The following ANKS1B variants were observed in gnomAD, a reference collection of about 807,000 sequenced individuals.
The protein encoded by ANKS1B is ankyrin repeat and sterile alpha motif domain containing 1B.
Under a neutral mutation model 148.3 loss-of-function variants are expected in ANKS1B, and 36 were observed. The observed-to-expected ratio is 0.24, with a 90% CI of 0.19 to 0.32. The LOEUF (loss-of-function observed/expected upper bound fraction) is 0.32. Ranked by LOEUF, ANKS1B falls within the 10% of genes least tolerant of loss-of-function variation. The pLI is 1.00. For missense variants in ANKS1B, 1,157 were observed against 1,542.6 expected (o/e 0.75, Z 4.19); for synonymous variants, 542 against 560.8 (o/e 0.97, Z 0.47).
At chr12:98,974,263 GA>G (rs1346142748) in intron 17 of ANKS1B, among the ~76,000 whole-genome samples, 1 of 152,174 alleles carries the variant, frequency 6.6e-6, no homozygotes, top group Non-Finnish European at 1.5e-5. Flanking sequence ...TAAGAGTTAA[GA>G]TAAGAACATG....
intron 17 of ANKS1B, among the ~76,000 whole-genome samples, chr12:98,894,342 T>C (rs1489243094): frequency 7.2e-6 from 1 of 139,720 alleles, no homozygotes; most frequent in African/African-American, 2.8e-5. Flanking sequence ...CTCAAACTCC[T>C]CGGAACCCCA....
At chr12:99,912,095 C>T (rs1282630390) in intron 1 of ANKS1B, among the ~76,000 whole-genome samples, 2 of 152,118 alleles carry the variant, frequency 1.3e-5, no homozygotes, top group South Asian at 2.1e-4. Flanking sequence ...CCACCAAAGG[C>T]GTGCAAGGGA....
At chr12:99,903,583 GC>G (rs746451081) in intron 1 of ANKS1B, among the ~76,000 whole-genome samples, 1 of 152,150 alleles carries the variant, frequency 6.6e-6, no homozygotes, top group Non-Finnish European at 1.5e-5. Context: ...CATAATACAA[GC>G]CACATATGAA....
At chr12:99,778,193 C>A (rs1416611799) in intron 6 of ANKS1B, among the ~76,000 whole-genome samples, 2 of 148,984 alleles carry the variant, frequency 1.3e-5, no homozygotes, top group African/African-American at 5.0e-5. Context: ...GAGTGAGACT[C>A]CCTCTCAAAA....
At chr12:99,439,088 T>G (rs1307109418) in intron 11 of ANKS1B, among the ~76,000 whole-genome samples, 1 of 151,820 alleles carries the variant, frequency 6.6e-6, no homozygotes, top group Non-Finnish European at 1.5e-5. Context: ...TAAATAATAC[T>G]AAATTATTAA....
Position 99,285,237 on chromosome 12 carries a change from C to A in ANKS1B, c.1757-38373G>T, listed in dbSNP as rs367619939. Among the ~76,000 whole-genome samples, 7 of 152,096 alleles carry A rather than the reference C, an allele frequency of 4.6e-5. No individual in the cohort carries two copies. In the East Asian group the frequency reaches 9.6e-4, roughly 21 times the overall value. On this transcript the variant is annotated intron_variant, in intron 12 of 26. Coordinates refer to ENST00000683438, the MANE Select transcript of ANKS1B (RefSeq NM_001352186.2). ...ATACAGTATATACTTTTTTGTCTAGCTGCCTTTACTCAGCATAGTTATTTT... is the reference window on the plus strand; with the variant it reads ...ATACAGTATATACTTTTTTGTCTAGATGCCTTTACTCAGCATAGTTATTTT...
At chr12:98,776,820 T>A (rs1167993895) in intron 24 of ANKS1B, among the ~76,000 whole-genome samples, 1 of 152,184 alleles carries the variant, frequency 6.6e-6, no homozygotes, top group Non-Finnish European at 1.5e-5. Flanking sequence ...GTGGGGCACG[T>A]GATGCTGAGA....
chr12:98,845,639 A>G (rs2099453828), intron 17 of ANKS1B, among the ~76,000 whole-genome samples: 1 of 152,136 alleles, frequency 6.6e-6, no homozygotes, highest in Non-Finnish European at 1.5e-5. Flanking sequence ...CAGAAGAGGA[A>G]GTCCAGCCTG....
chr12:99,378,422 G>A (rs1429796454), intron 12 of ANKS1B, among the ~76,000 whole-genome samples: 3 of 152,042 alleles, frequency 2.0e-5, no homozygotes, highest in African/African-American at 7.2e-5. Context: ...TTGGGAGGAC[G>A]AGGTGGGCAG....
chr12:99,871,692 G>A (rs2091538356), intron 1 of ANKS1B, among the ~76,000 whole-genome samples: 1 of 152,008 alleles, frequency 6.6e-6, no homozygotes, highest in Non-Finnish European at 1.5e-5. Flanking sequence ...GTGAAATTGT[G>A]TTCTTGATTT....
At chr12:98,943,670 A>T (rs1050193972) in intron 17 of ANKS1B, among the ~76,000 whole-genome samples, 4 of 152,150 alleles carry the variant, frequency 2.6e-5, no homozygotes, top group Non-Finnish European at 5.9e-5. Flanking sequence ...CCTTTGTGTG[A>T]TTAAGCCCAG....
intron 9 of ANKS1B, among the ~76,000 whole-genome samples, chr12:99,544,215 G>A (rs903104756): frequency 9.9e-5 from 15 of 152,254 alleles, no homozygotes; most frequent in Admixed American, 2.6e-4. Flanking sequence ...TGAGCATACA[G>A]TTTGTTGGCA....
At chr12:99,333,862 T>G (rs538326106) in intron 12 of ANKS1B, among the ~76,000 whole-genome samples, 2,413 of 149,330 alleles carry the variant, frequency 0.016, 81 homozygotes, top group East Asian at 0.083. Flanking sequence ...CAGTTTTTTT[T>G]TTTTTTTTTT....
intron 14 of ANKS1B, among the ~76,000 whole-genome samples, chr12:99,243,506 AC>A (rs1245417621): frequency 6.6e-6 from 1 of 152,222 alleles, no homozygotes; most frequent in African/African-American, 2.4e-5. Context: ...ATACCATTTG[AC>A]CCAGCCATCC....
intron 16 of ANKS1B, 98 bp downstream of exon 16, chr12:99,084,827 G>A: frequency 1.1e-6 from 1 of 886,556 alleles, no homozygotes; most frequent in Non-Finnish European, 1.7e-6. Context: ...GCATCAATAT[G>A]TAGAACTACT....
chr12:99,807,128 A>T (rs945919021), intron 3 of ANKS1B, among the ~76,000 whole-genome samples: 5 of 152,226 alleles, frequency 3.3e-5, no homozygotes, highest in African/African-American at 2.4e-5. Flanking sequence ...AATTCTTGGT[A>T]ACAAAAGGTT....
intron 6 of ANKS1B, among the ~76,000 whole-genome samples, chr12:99,776,629 A>G (rs1032726227): frequency 1.3e-5 from 2 of 152,146 alleles, no homozygotes; most frequent in African/African-American, 4.8e-5. Context: ...TTTTAGAGAA[A>G]CCAAAACTCC....
At chr12:99,843,057 G>A (rs1263932672) in intron 1 of ANKS1B, among the ~76,000 whole-genome samples, 1 of 152,000 alleles carries the variant, frequency 6.6e-6, no homozygotes, top group Admixed American at 6.6e-5. Context: ...CAGTTTGTTT[G>A]TTTGTATTAA....
chr12:99,542,544 CA>C (rs2097136399), intron 9 of ANKS1B, among the ~76,000 whole-genome samples: 1 of 151,812 alleles, frequency 6.6e-6, no homozygotes, highest in East Asian at 1.9e-4. Context: ...TGCTTTTTTT[CA>C]CAGAAATTGA....
Sources: allele counts gnomAD v4.1 joint callset (sites outside exome capture counted in the v4.1 genomes callset), GRCh38; gene constraint gnomAD v4.1.1; transcripts MANE v1.5; gene names NCBI Gene and HGNC (gene_info 2026-07-23, HGNC 2026-07-21).